The following DRC11 variants were observed in gnomAD, a reference collection of about 807,000 sequenced individuals.
The protein encoded by DRC11 is dynein regulatory complex subunit 11.
the DRC11 span, among the ~76,000 whole-genome samples, chr2:236,491,047 T>G: frequency 2.3e-5 from 3 of 133,120 alleles, no homozygotes; most frequent in Admixed American, 1.5e-4. Flanking sequence ...ATATATACAG[T>G]ATATATATAT....
At chr2:236,346,598 C>A in the DRC11 span, 82 of 168,692 alleles carry the variant, frequency 4.9e-4, no homozygotes, top group Non-Finnish European at 9.7e-4. Context: ...GAGCTGAGAA[C>A]TGAGACGAGT....
chr2:236,392,700 C>T, the DRC11 span, among the ~76,000 whole-genome samples: 5 of 152,038 alleles, frequency 3.3e-5, no homozygotes, highest in Non-Finnish European at 5.9e-5. The surrounding 1 kb of genome is among the most constrained non-coding windows in gnomAD (Gnocchi z 5.1). Flanking sequence ...CACAGATGAC[C>T]TTTTTTGTAA....
At chr2:236,497,046 G>A in the DRC11 span, 63,288 of 817,754 alleles carry the variant, frequency 0.077, 8,463 homozygotes, top group African/African-American at 0.42. The surrounding 1 kb of genome is among the most constrained non-coding windows in gnomAD (Gnocchi z 5.1). Flanking sequence ...TAGATTTTCC[G>A]TACACCAACT....
chr2:236,377,143 T>C, the DRC11 span: 1 of 1,613,014 alleles, frequency 6.2e-7, no homozygotes, highest in Non-Finnish European at 8.5e-7. This position sits in a 1 kb window ranked among gnomAD's most constrained non-coding sequence, Gnocchi z 4.9. Flanking sequence ...CCTGGATCAG[T>C]AATCCTTCTT....
At chr2:236,313,786 T>C in the DRC11 span, among the ~76,000 whole-genome samples, 1 of 152,202 alleles carries the variant, frequency 6.6e-6, no homozygotes, top group Non-Finnish European at 1.5e-5. This position sits in a 1 kb window ranked among gnomAD's most constrained non-coding sequence, Gnocchi z 4.5. Context: ...CATGGAATTA[T>C]GCTGAGTGAA....
chr2:236,439,744 T>C, the DRC11 span, among the ~76,000 whole-genome samples: 1 of 152,196 alleles, frequency 6.6e-6, no homozygotes, highest in Non-Finnish European at 1.5e-5. Context: ...CAGGGAAATA[T>C]TCACCAATCG....
At chr2:236,374,116 TG>T in the DRC11 span, among the ~76,000 whole-genome samples, 16 of 152,184 alleles carry the variant, frequency 1.1e-4, no homozygotes, top group African/African-American at 3.1e-4. Context: ...CTGGTTATTT[TG>T]GGGTCTCCTG....
chr2:236,459,503 ATACG>A, the DRC11 span, among the ~76,000 whole-genome samples: 14 of 108,196 alleles, frequency 1.3e-4, no homozygotes, highest in Admixed American at 1.4e-3. Context: ...GTATATATGT[ATACG>A]TATACGTATA....
the DRC11 span, among the ~76,000 whole-genome samples, chr2:236,371,213 G>A: frequency 8.6e-5 from 13 of 152,006 alleles, no homozygotes; most frequent in African/African-American, 1.9e-4. This position sits in a 1 kb window ranked among gnomAD's most constrained non-coding sequence, Gnocchi z 5.1. Context: ...AGAAATAAAC[G>A]GCTCTGGGCA....
the DRC11 span, among the ~76,000 whole-genome samples, chr2:236,452,225 T>C: frequency 1.3e-5 from 2 of 152,192 alleles, no homozygotes; most frequent in Non-Finnish European, 2.9e-5. The surrounding 1 kb of genome is among the most constrained non-coding windows in gnomAD (Gnocchi z 4.7). Context: ...TGTCAAAAAT[T>C]CTTGCACAAA....
chr2:236,310,007 C>T, the DRC11 span, among the ~76,000 whole-genome samples: 3 of 152,206 alleles, frequency 2.0e-5, no homozygotes, highest in South Asian at 4.1e-4. The surrounding 1 kb of genome is among the most constrained non-coding windows in gnomAD (Gnocchi z 5.5). Flanking sequence ...CCTGTGCACC[C>T]GTGCCTGCCC....
At chr2:236,421,857 C>G in the DRC11 span, among the ~76,000 whole-genome samples, 3 of 152,158 alleles carry the variant, frequency 2.0e-5, no homozygotes, top group African/African-American at 7.2e-5. Context: ...AGCTTATCCA[C>G]CATGATCAAG....
the DRC11 span, among the ~76,000 whole-genome samples, chr2:236,371,869 G>A: frequency 6.6e-6 from 1 of 152,126 alleles, no homozygotes; most frequent in Admixed American, 6.5e-5. The surrounding 1 kb of genome is among the most constrained non-coding windows in gnomAD (Gnocchi z 5.1). Flanking sequence ...TACTTCTGGT[G>A]TAAAGCATTG....
At chr2:236,344,950 T>C in the DRC11 span, among the ~76,000 whole-genome samples, 21 of 138,716 alleles carry the variant, frequency 1.5e-4, no homozygotes, top group South Asian at 1.2e-3. Flanking sequence ...TGGTTGTAAA[T>C]GTGCTTCCCT....
chr2:236,357,476 ATATT>A, the DRC11 span, among the ~76,000 whole-genome samples: 4 of 127,234 alleles, frequency 3.1e-5, no homozygotes, highest in Non-Finnish European at 4.6e-5. Flanking sequence ...TATTACATGT[ATATT>A]TATATATTAT....
chr2:236,462,201 G>C, the DRC11 span, among the ~76,000 whole-genome samples: 1 of 152,120 alleles, frequency 6.6e-6, no homozygotes, highest in Admixed American at 6.5e-5. The surrounding 1 kb of genome is among the most constrained non-coding windows in gnomAD (Gnocchi z 6.4). Flanking sequence ...CCTGGGCCTG[G>C]TACCACCTAT....
At chr2:236,452,760 C>T in the DRC11 span, among the ~76,000 whole-genome samples, 32 of 152,294 alleles carry the variant, frequency 2.1e-4, no homozygotes, top group African/African-American at 6.7e-4. The surrounding 1 kb of genome is among the most constrained non-coding windows in gnomAD (Gnocchi z 4.7). Flanking sequence ...CACTCAAGAC[C>T]GAAGTGTCCT....
the DRC11 span, among the ~76,000 whole-genome samples, chr2:236,491,831 C>T: frequency 6.6e-6 from 1 of 152,078 alleles, no homozygotes; most frequent in African/African-American, 2.4e-5. Flanking sequence ...AAGGAGAGGT[C>T]ATCTTGAGTT....
the DRC11 span, among the ~76,000 whole-genome samples, chr2:236,459,681 GTA>G: frequency 7.2e-6 from 1 of 138,958 alleles, no homozygotes; most frequent in Non-Finnish European, 1.6e-5. Context: ...ACGTATATAT[GTA>G]TATACATATA....
Sources: gnomAD v4.1 joint callset for allele counts (sites outside exome capture counted in the v4.1 genomes callset) on GRCh38, gnomAD v4.1.1 for gene constraint, Gnocchi (gnomAD v3.1) non-coding constraint, MANE v1.5 for transcripts, NCBI Gene and HGNC (gene_info 2026-07-23, HGNC 2026-07-21) for gene names.